Variants in GMDS observed in about 807,000 individuals in gnomAD.
The protein encoded by GMDS is GDP-mannose 4,6 dehydratase.
GMDS carries 20 observed loss-of-function variants against 49.9 expected under a neutral mutation model. The observed-to-expected ratio is 0.40, with a 90% CI of 0.28 to 0.58. GMDS has a LOEUF of 0.58. GMDS is among the 20% of genes least tolerant of loss of function. The pLI is 0.42. For missense variants in GMDS, 362 were observed against 481.4 expected, an observed-to-expected ratio of 0.75 and a Z score of 2.32; for synonymous variants, 177 against 178.6, an observed-to-expected ratio of 0.99 and a Z score of 0.07.
chr6:1,959,765 A>G, intron 6 of GMDS, 102 bp downstream of exon 6: 1 of 496,432 alleles, frequency 2.0e-6, no homozygotes, highest in Non-Finnish European at 3.6e-6. Flanking sequence ...AGATACAGAT[A>G]GGAAATTTTT....
chr6:2,022,590 C>A (rs1274390641), intron 4 of GMDS, among the ~76,000 whole-genome samples: 1 of 152,248 alleles, frequency 6.6e-6, no homozygotes, highest in East Asian at 1.9e-4. Flanking sequence ...ATAAAAAGCA[C>A]CACCACATTT....
chr6:1,990,741 A>ATTT (rs70992118), intron 4 of GMDS, among the ~76,000 whole-genome samples: 2,650 of 144,010 alleles, frequency 0.018, 27 homozygotes, highest in Non-Finnish European at 0.022. Flanking sequence ...CACCCAGCTA[A>ATTT]TTTTTTTTTT....
chr6:1,934,388 G>C (rs1762428110), intron 6 of GMDS, among the ~76,000 whole-genome samples: 1 of 152,042 alleles, frequency 6.6e-6, no homozygotes, highest in East Asian at 1.9e-4. Flanking sequence ...TGAACTTTAG[G>C]ATCAGCTTGT....
chr6:1,720,378 G>A (rs1766337657), intron 9 of GMDS, among the ~76,000 whole-genome samples: 1 of 152,112 alleles, frequency 6.6e-6, no homozygotes, highest in African/African-American at 2.4e-5. Context: ...AGCTCCCTTG[G>A]TTAAGTCCAA....
rs552021225 is a variant in GMDS at position 2,173,453 on chromosome 6, G to A, written c.103-48722C>T. 3.9e-5 allele frequency among the ~76,000 whole-genome samples: 6 copies of A among 152,336 alleles called. No homozygotes were observed. The East Asian group carries it at 9.6e-4, about 24-fold the overall frequency. ...TGCTTCCATGTTTTTACAGGGCATG[G>A]AGGGAAGGAGGGCAGCAAGGCAGAG... is the stretch of plus-strand genomic sequence containing the variant. On this transcript the variant is annotated intron_variant, in intron 1 of 10. Coordinates refer to ENST00000380815, the MANE Select transcript of GMDS (RefSeq NM_001500.4).
Position 1,631,476 on chromosome 6 carries a change from A to G in GMDS, c.988-6936T>C, listed in dbSNP as rs1049605810. 6.6e-5 allele frequency among the ~76,000 whole-genome samples: 10 copies of G among 152,196 alleles called. 1 individual carries two copies. In the South Asian group the frequency reaches 1.9e-3, roughly 28 times the overall value. ...TTCCTTCTAGTTTGTTAGGAAATCT[A>G]CCCACCTCTTAGAAATGTCCCCCCC... On this transcript the variant is annotated intron_variant, in intron 9 of 10. Coordinates refer to ENST00000380815, the MANE Select transcript of GMDS (RefSeq NM_001500.4).
At chr6:2,042,361 C>G (rs1769735834) in intron 4 of GMDS, among the ~76,000 whole-genome samples, 1 of 152,116 alleles carries the variant, frequency 6.6e-6, no homozygotes, top group Non-Finnish European at 1.5e-5. Context: ...ATCAGCAGGT[C>G]TCCTCTGTTC....
chr6:1,626,587 C>T (rs1762854888), intron 9 of GMDS, among the ~76,000 whole-genome samples: 1 of 152,212 alleles, frequency 6.6e-6, no homozygotes, highest in Non-Finnish European at 1.5e-5. Flanking sequence ...CCCATCCCTC[C>T]CCTCTCTCAA....
chr6:2,004,155 T>A (rs1048926435), intron 4 of GMDS, among the ~76,000 whole-genome samples: 3 of 152,242 alleles, frequency 2.0e-5, no homozygotes, highest in Non-Finnish European at 4.4e-5. Flanking sequence ...TTTTAGAGTA[T>A]GTTCATTGCC....
At chr6:2,181,733 T>C (rs1778543825) in intron 1 of GMDS, among the ~76,000 whole-genome samples, 1 of 152,026 alleles carries the variant, frequency 6.6e-6, no homozygotes, top group African/African-American at 2.4e-5. Context: ...AATCGGAAAA[T>C]GTCATGTGTG....
At chr6:2,049,055 C>T (rs902226020) in intron 4 of GMDS, among the ~76,000 whole-genome samples, 7 of 152,210 alleles carry the variant, frequency 4.6e-5, no homozygotes, top group African/African-American at 1.2e-4. Context: ...CATGGGGACA[C>T]GACAAGGAAG....
At chr6:1,777,230 G>A (rs973243856) in intron 7 of GMDS, among the ~76,000 whole-genome samples, 7 of 152,242 alleles carry the variant, frequency 4.6e-5, no homozygotes, top group Admixed American at 3.3e-4. Flanking sequence ...GGGGAGACGC[G>A]CTGCTGCGCC....
chr6:2,181,688 G>A (rs1778539707), intron 1 of GMDS, among the ~76,000 whole-genome samples: 1 of 152,086 alleles, frequency 6.6e-6, no homozygotes, highest in East Asian at 1.9e-4. Flanking sequence ...GGGGAACCAG[G>A]ACCACAAACC....
At chr6:2,216,905 C>G (rs1472879826) in intron 1 of GMDS, among the ~76,000 whole-genome samples, 1 of 152,180 alleles carries the variant, frequency 6.6e-6, no homozygotes, top group African/African-American at 2.4e-5. Context: ...TCGCAGCCAA[C>G]TCCCATGGCT....
At chr6:1,763,254 G>T (rs1261638613) in intron 7 of GMDS, among the ~76,000 whole-genome samples, 1 of 152,180 alleles carries the variant, frequency 6.6e-6, no homozygotes, top group Non-Finnish European at 1.5e-5. Flanking sequence ...ATTGCTCTGA[G>T]CTGTCTTCTA....
intron 7 of GMDS, among the ~76,000 whole-genome samples, chr6:1,929,133 A>G (rs1477785061): frequency 1.3e-5 from 2 of 152,226 alleles, no homozygotes; most frequent in Non-Finnish European, 1.5e-5. Context: ...ATGGCAGGTG[A>G]GCCTCATCTC....
intron 4 of GMDS, among the ~76,000 whole-genome samples, chr6:2,025,357 G>GGT (rs200096039): frequency 0.01 from 1,383 of 136,622 alleles, 17 homozygotes; most frequent in African/African-American, 0.032. Flanking sequence ...CTGATGGTGG[G>GGT]GTGTGTGTGT....
chr6:2,006,971 T>A (rs1484049253), intron 4 of GMDS, among the ~76,000 whole-genome samples: 1 of 152,232 alleles, frequency 6.6e-6, no homozygotes, highest in Non-Finnish European at 1.5e-5. Context: ...TGTCATATAA[T>A]TTCTTTTCTT....
intron 7 of GMDS, among the ~76,000 whole-genome samples, chr6:1,803,156 G>A (rs1352574932): frequency 2.0e-5 from 3 of 152,070 alleles, no homozygotes; most frequent in East Asian, 1.9e-4. Flanking sequence ...AAATTTCATC[G>A]GCACTGTATG....
Sources: gnomAD v4.1 joint callset for allele counts (sites outside exome capture counted in the v4.1 genomes callset) on GRCh38, gnomAD v4.1.1 for gene constraint, MANE v1.5 for transcripts, NCBI Gene and HGNC (gene_info 2026-07-23, HGNC 2026-07-21) for gene names.